GRID1: variants seen among roughly 807,000 people sequenced by gnomAD.
The protein encoded by GRID1 is glutamate receptor ionotropic, delta-1.
GRID1 carries 28 observed loss-of-function variants against 98.0 expected under a neutral mutation model. That is an observed-to-expected ratio of 0.29 (90% confidence interval 0.21 to 0.39). The LOEUF is 0.39. Ranked by LOEUF, GRID1 falls within the 10% of genes least tolerant of loss-of-function variation. The pLI is 1.00. For synonymous variants in GRID1, 553 were observed against 538.5 expected, an observed-to-expected ratio of 1.03 and a Z score of -0.37; for missense variants, 1,111 against 1,340.5, an observed-to-expected ratio of 0.83 and a Z score of 2.67.
chr10:85,631,092 A>G (rs927451187), intron 13 of GRID1, among the ~76,000 whole-genome samples: 6 of 152,222 alleles, frequency 3.9e-5, no homozygotes, highest in Non-Finnish European at 7.3e-5. Flanking sequence ...CTTACCATCA[A>G]TTCTGTTCCC....
intron 8 of GRID1, among the ~76,000 whole-genome samples, chr10:85,767,095 G>A (rs368355286): frequency 1.3e-5 from 2 of 152,078 alleles, no homozygotes; most frequent in African/African-American, 2.4e-5. Flanking sequence ...GAACATTAGC[G>A]CATTTGGCAG....
chr10:85,622,482 A>G (rs915477996), intron 13 of GRID1, among the ~76,000 whole-genome samples: 1 of 152,174 alleles, frequency 6.6e-6, no homozygotes, highest in African/African-American at 2.4e-5. Context: ...CTCAAGCAAT[A>G]GTCCTTCTTC....
At chr10:86,060,043 A>G (rs1316572324) in intron 4 of GRID1, among the ~76,000 whole-genome samples, 1 of 152,198 alleles carries the variant, frequency 6.6e-6, no homozygotes, top group Admixed American at 6.5e-5. Flanking sequence ...ATTGTGTTCA[A>G]TGCTACGCAC....
intron 8 of GRID1, among the ~76,000 whole-genome samples, chr10:85,772,241 G>T (rs1470976316): frequency 3.9e-5 from 6 of 152,000 alleles, no homozygotes; most frequent in Non-Finnish European, 8.8e-5. Context: ...ATAACGAAAT[G>T]AAGGCAGAAA....
At chr10:86,091,913 A>C (rs1844155214) in intron 4 of GRID1, among the ~76,000 whole-genome samples, 1 of 152,224 alleles carries the variant, frequency 6.6e-6, no homozygotes, top group Non-Finnish European at 1.5e-5. Flanking sequence ...GCTCACAGGA[A>C]GCCACATCCA....
chr10:86,214,714 G>C (rs1482594878), intron 2 of GRID1, among the ~76,000 whole-genome samples: 1 of 152,072 alleles, frequency 6.6e-6, no homozygotes, highest in Non-Finnish European at 1.5e-5. Flanking sequence ...AAAAAATACA[G>C]AAAAATTTAC....
intron 10 of GRID1, among the ~76,000 whole-genome samples, chr10:85,726,180 T>C (rs1841758134): frequency 6.6e-6 from 1 of 151,840 alleles, no homozygotes; most frequent in South Asian, 2.1e-4. Context: ...GAATTAGAGG[T>C]ACAATTTTAT....
chr10:86,152,824 C>A (rs1420049357), intron 3 of GRID1, among the ~76,000 whole-genome samples: 3 of 152,234 alleles, frequency 2.0e-5, no homozygotes, highest in African/African-American at 7.2e-5. Context: ...GCTGCCACCC[C>A]TCACCCGCCT....
At chr10:85,721,639 CA>C (rs1301807404) in intron 12 of GRID1, among the ~76,000 whole-genome samples, 17 of 152,038 alleles carry the variant, frequency 1.1e-4, no homozygotes, top group African/African-American at 3.9e-4. Context: ...ACTGAAATGA[CA>C]AAATTTTAGA....
At chr10:86,224,620 C>T (rs556435126) in intron 2 of GRID1, among the ~76,000 whole-genome samples, 4 of 152,332 alleles carry the variant, frequency 2.6e-5, no homozygotes, top group Non-Finnish European at 5.9e-5. Context: ...TCCATCAACC[C>T]GTAGGGGCTC....
chr10:85,836,234 C>CA (rs1487691864), intron 8 of GRID1, among the ~76,000 whole-genome samples: 1 of 151,510 alleles, frequency 6.6e-6, no homozygotes, highest in Non-Finnish European at 1.5e-5. Context: ...TATTGTTCTT[C>CA]AAAAAATCAA....
Position 85,690,782 on chromosome 10 carries a change from T to C in GRID1, c.1997+32221A>G, listed in dbSNP as rs79429163. The stretch of plus-strand genomic sequence containing the variant: ...TGGCATATCAAATAAAAAAATTCAA[T>C]AATTCAATGGTTTCTCAAAAAGTTA... On this transcript the variant is annotated intron_variant, in intron 12 of 15. Transcript: ENST00000327946. 5.3e-4 allele frequency among the ~76,000 whole-genome samples: 80 copies of C among 152,254 alleles called. No homozygotes were observed. The East Asian group carries it at 0.011, about 21-fold the overall frequency.
intron 8 of GRID1, among the ~76,000 whole-genome samples, chr10:85,795,973 C>G (rs549045746): frequency 2.6e-5 from 4 of 152,234 alleles, no homozygotes; most frequent in African/African-American, 9.6e-5. Context: ...AAAAGGGGAG[C>G]TGGGGAGTTA....
chr10:85,746,099 T>C (rs1263465494), intron 8 of GRID1, among the ~76,000 whole-genome samples: 1 of 152,220 alleles, frequency 6.6e-6, no homozygotes, highest in Non-Finnish European at 1.5e-5. Flanking sequence ...CATATATTGA[T>C]TGCAAGGGAG....
At chr10:86,307,452 C>T (rs1321511773) in intron 2 of GRID1, among the ~76,000 whole-genome samples, 1 of 152,156 alleles carries the variant, frequency 6.6e-6, no homozygotes, top group African/African-American at 2.4e-5. Context: ...AAGACAAATA[C>T]TGCACAATCT....
chr10:85,605,007 C>T (rs528936488), intron 15 of GRID1, among the ~76,000 whole-genome samples: 167 of 152,282 alleles, frequency 1.1e-3, no homozygotes, highest in African/African-American at 3.9e-3. Context: ...AAGCTGAATC[C>T]GGAACAAAGA....
intron 8 of GRID1, among the ~76,000 whole-genome samples, chr10:85,772,178 C>A (rs1057399596): frequency 6.6e-6 from 1 of 152,104 alleles, no homozygotes; most frequent in Non-Finnish European, 1.5e-5. Flanking sequence ...TCACTCAAAA[C>A]CACTCAACTA....
intron 2 of GRID1, among the ~76,000 whole-genome samples, chr10:86,240,245 T>C (rs1846606357): frequency 6.6e-6 from 1 of 152,216 alleles, no homozygotes; most frequent in African/African-American, 2.4e-5. Flanking sequence ...CTGAGGCCCA[T>C]GGCTGGGGAG....
intron 4 of GRID1, among the ~76,000 whole-genome samples, chr10:86,060,228 C>A (rs7924045): frequency 0.076 from 11,588 of 152,282 alleles, 517 homozygotes; most frequent in East Asian, 0.15. Context: ...GACATAAAGT[C>A]TTTCATCTGC....
Sources: allele counts gnomAD v4.1 joint callset (sites outside exome capture counted in the v4.1 genomes callset), GRCh38; gene constraint gnomAD v4.1.1; transcripts MANE v1.5; gene names NCBI Gene and HGNC (gene_info 2026-07-23, HGNC 2026-07-21).